The following RBM47 variants were observed in gnomAD, a reference collection of about 807,000 sequenced individuals.
The protein encoded by RBM47 is RNA binding motif protein 47, also known as RNA-binding protein 47.
A neutral mutation model predicts 47.1 loss-of-function variants in RBM47; 21 were observed. The ratio of observed to expected loss-of-function variants is 0.45; its 90% CI spans 0.32 to 0.64. RBM47 has a LOEUF of 0.64. Among genes scored for constraint, RBM47 ranks in the 30% least tolerant of loss-of-function variants. The probability of loss-of-function intolerance (pLI) is 0.05; values close to 1 mark genes in which losing one functional copy is unlikely to be tolerated. For synonymous variants in RBM47, 375 were observed against 361.7 expected (o/e 1.04, Z -0.42); for missense variants, 708 against 870.9 (o/e 0.81, Z 2.35).
rs761409548 is a variant in RBM47, at chr4:40,509,199, TA to T, written c.-155+35222del. ...AATAAATAAATAAATAATAATAATA[TA>T]TTTTTTTCAAAGTAGTTATTTGATT... On this transcript the variant is annotated intron_variant, in intron 2 of 6. Transcript: ENST00000295971. 5.1e-4 allele frequency among the ~76,000 whole-genome samples: 70 copies of T among 138,346 alleles called. 3 individuals carry two copies. The highest frequency in any genetic ancestry group is 1.6e-3 in the African/African-American group (62 of 38,264). 90.8% of individuals were successfully genotyped at this position (138,346 alleles called of 152,430 possible). A position where few individuals can be genotyped will look rare whatever the true frequency, so the allele number is the denominator to read the frequency against.
chr4:40,597,119 C>T (rs1734823438), intron 1 of RBM47, among the ~76,000 whole-genome samples: 1 of 151,966 alleles, frequency 6.6e-6, no homozygotes, highest in Non-Finnish European at 1.5e-5. Flanking sequence ...AATTAGCTGG[C>T]CGTGGTGGCA....
intron 2 of RBM47, among the ~76,000 whole-genome samples, chr4:40,474,879 G>A (rs1719387953): frequency 6.6e-6 from 1 of 152,188 alleles, no homozygotes; most frequent in Non-Finnish European, 1.5e-5. Flanking sequence ...TCATCATAAT[G>A]AGAAGGGAGA....
intron 1 of RBM47, among the ~76,000 whole-genome samples, chr4:40,605,942 T>C (rs1024304940): frequency 6.6e-6 from 1 of 150,828 alleles, no homozygotes; most frequent in Non-Finnish European, 1.5e-5. Context: ...AAGAAAAATA[T>C]TACCCAGCAC....
chr4:40,585,774 GGCACATAGGACACA>G (rs1192644750), intron 1 of RBM47, among the ~76,000 whole-genome samples: 9 of 152,182 alleles, frequency 5.9e-5, no homozygotes, highest in Non-Finnish European at 1.3e-4. Context: ...CATCAAGCAC[GGCACATAGGACACA>G]GCATCTGTCG....
chr4:40,557,372 T>C (rs1008004919), intron 1 of RBM47, among the ~76,000 whole-genome samples: 11 of 152,316 alleles, frequency 7.2e-5, no homozygotes, highest in South Asian at 6.2e-4. Flanking sequence ...GTAATTTCCT[T>C]GAGGACAGTA....
At chr4:40,616,271 G>A (rs1172921373) in intron 1 of RBM47, among the ~76,000 whole-genome samples, 3 of 150,794 alleles carry the variant, frequency 2.0e-5, no homozygotes, top group African/African-American at 2.4e-5. Context: ...GGAGAATGGC[G>A]TGAACCCGGG....
chr4:40,545,666 A>AAAACAAAT (rs1553899564), intron 1 of RBM47, among the ~76,000 whole-genome samples: 123 of 133,644 alleles, frequency 9.2e-4, no homozygotes, highest in Non-Finnish European at 1.4e-3. Flanking sequence ...CTCCTTCTCA[A>AAAACAAAT]AAATAAATAA....
intron 1 of RBM47, among the ~76,000 whole-genome samples, chr4:40,575,979 G>A (rs1438081765): frequency 6.6e-6 from 1 of 152,204 alleles, no homozygotes; most frequent in Non-Finnish European, 1.5e-5. Flanking sequence ...AGTGCTGGTG[G>A]CCAGGAGGGC....
intron 1 of RBM47, among the ~76,000 whole-genome samples, chr4:40,606,850 A>C (rs1735803466): frequency 6.6e-6 from 1 of 152,118 alleles, no homozygotes; most frequent in African/African-American, 2.4e-5. Flanking sequence ...CTAAAAACAA[A>C]AACAAAAATA....
At chr4:40,557,641 T>C (rs1730226894) in intron 1 of RBM47, among the ~76,000 whole-genome samples, 2 of 152,046 alleles carry the variant, frequency 1.3e-5, no homozygotes, top group Non-Finnish European at 2.9e-5. Context: ...CCCAGCTACT[T>C]GGGATGCTGA....
At chr4:40,551,262 A>G (rs763643831) in intron 1 of RBM47, among the ~76,000 whole-genome samples, 1 of 152,234 alleles carries the variant, frequency 6.6e-6, no homozygotes, top group African/African-American at 2.4e-5. Context: ...TGACAAATTC[A>G]AAAGACAATT....
chr4:40,615,279 A>G (rs532661643), intron 1 of RBM47, among the ~76,000 whole-genome samples: 1 of 152,138 alleles, frequency 6.6e-6, no homozygotes, highest in African/African-American at 2.4e-5. Flanking sequence ...TCTCTACAAA[A>G]TATACAAAAA....
chr4:40,445,417 C>T (rs183260995), intron 3 of RBM47, among the ~76,000 whole-genome samples: 99 of 152,248 alleles, frequency 6.5e-4, no homozygotes, highest in African/African-American at 2.4e-3. Flanking sequence ...GCTCCTGACA[C>T]TTATATATTA....
chr4:40,541,032 C>T (rs1728484314), intron 2 of RBM47, among the ~76,000 whole-genome samples: 1 of 151,834 alleles, frequency 6.6e-6, no homozygotes, highest in South Asian at 2.1e-4. Flanking sequence ...GTCACACTTG[C>T]AATCCCAGCA....
In RBM47 at chr4:40,423,589, A is replaced by G. The variant is rs563004187; in HGVS notation, c.*2315T>C. On this transcript the variant is annotated 3_prime_UTR_variant, in exon 7 of 7. Transcript: ENST00000295971. ...TGATACTTAATTGGCCATGTCACCA[A>G]TGTTTGTTTTTAAGGGAGTTTGGTG... The G allele has an allele frequency of 6.6e-6, 1 of 152,016 alleles. No homozygotes were observed. Among genetic ancestry groups the G allele is most frequent in the Non-Finnish European group, 1.5e-5 (1 of 67,976 alleles). 9.4% of individuals were successfully genotyped at this position (152,016 alleles called of 1,614,324 possible).
chr4:40,534,494 A>C lies in RBM47; in HGVS notation c.-155+9928T>G, dbSNP rs374901270. Among the ~76,000 whole-genome samples, 98 of 152,296 alleles carry C rather than the reference A, an allele frequency of 6.4e-4. 4 individuals carry two copies. In the South Asian group the frequency reaches 0.019, roughly 29 times the overall value. ...ATTACACTCCGTATAGCTAAAATTCAGGGTGTAGATTCCATGATTTTCAAT... is the reference window on the plus strand; with the variant it reads ...ATTACACTCCGTATAGCTAAAATTCCGGGTGTAGATTCCATGATTTTCAAT... On this transcript the variant is annotated intron_variant, in intron 2 of 6. Transcript: ENST00000295971.
chr4:40,485,420 C>T (rs1720941210), intron 2 of RBM47, among the ~76,000 whole-genome samples: 1 of 152,252 alleles, frequency 6.6e-6, no homozygotes, highest in African/African-American at 2.4e-5. Flanking sequence ...GGACCCTCTT[C>T]TGTTCTCCTA....
chr4:40,544,569 T>C (rs1359881039), intron 1 of RBM47, 63 bp from the exon 2 acceptor site: 1 of 152,118 alleles, frequency 6.6e-6, no homozygotes. Flanking sequence ...CCAAAGTTAG[T>C]GATCACTAAA....
intron 2 of RBM47, among the ~76,000 whole-genome samples, chr4:40,529,254 C>A (rs1012874301): frequency 2.0e-5 from 3 of 151,956 alleles, no homozygotes; most frequent in Non-Finnish European, 2.9e-5. Flanking sequence ...CGCCTGTAAT[C>A]CCAACACTTT....
Sources: allele counts gnomAD v4.1 joint callset (sites outside exome capture counted in the v4.1 genomes callset), GRCh38; gene constraint gnomAD v4.1.1; transcripts MANE v1.5; gene names NCBI Gene and HGNC (gene_info 2026-07-23, HGNC 2026-07-21).